Variants in DLC1 observed in about 807,000 individuals in gnomAD.
The protein encoded by DLC1 is DLC1 Rho GTPase activating protein.
In DLC1, 54 loss-of-function variants were observed where a neutral mutation model predicts 140.3. The observed-to-expected ratio is 0.38, with a 90% confidence interval of 0.31 to 0.48. The LOEUF is 0.48. Ranked by LOEUF, DLC1 falls within the 20% of genes least tolerant of loss-of-function variation. The pLI is 0.96. For synonymous variants in DLC1, 986 were observed against 728.1 expected (o/e 1.35, Z -5.70); for missense variants, 2,536 against 1,907.0 (o/e 1.33, Z -6.14).
Position 13,249,512 on chromosome 8 carries a change from T to A in DLC1, c.1348+55757A>T, listed in dbSNP as rs1829912270. ...GCCACCGTGATCCCATTTCTATCAGTCTCAGGGTGGTTCCTCCTCCTAGCC... is the reference window on the plus strand; with the variant it reads ...GCCACCGTGATCCCATTTCTATCAGACTCAGGGTGGTTCCTCCTCCTAGCC... On this transcript the variant is annotated intron_variant, in intron 5 of 17. Coordinates refer to ENST00000276297, the MANE Select transcript of DLC1 (RefSeq NM_182643.3). Among the ~76,000 whole-genome samples, 2 of 152,176 alleles carry A rather than the reference T, an allele frequency of 1.3e-5. 1 individual carries two copies. The highest frequency in any genetic ancestry group is 1.3e-4 in the Admixed American group (2 of 15,262).
At chr8:13,498,653 A>C (rs1395351726) in intron 2 of DLC1, among the ~76,000 whole-genome samples, 1 of 152,196 alleles carries the variant, frequency 6.6e-6, no homozygotes, top group Non-Finnish European at 1.5e-5. Flanking sequence ...GAGAAAAAGA[A>C]ATATGCCCAA....
At chr8:13,116,636 A>G (rs1274055121) in intron 5 of DLC1, among the ~76,000 whole-genome samples, 1 of 152,194 alleles carries the variant, frequency 6.6e-6, no homozygotes, top group Non-Finnish European at 1.5e-5. Context: ...AGTGTAACAC[A>G]TCTTATTTTT....
intron 2 of DLC1, among the ~76,000 whole-genome samples, chr8:13,448,367 TTC>T (rs1447816431): frequency 1.7e-4 from 21 of 125,322 alleles, no homozygotes; most frequent in African/African-American, 8.5e-4. Flanking sequence ...CTTCTTCTTC[TTC>T]TTTTTTTTTT....
intron 1 of DLC1, among the ~76,000 whole-genome samples, chr8:13,513,183 C>A (rs1172054170): frequency 6.6e-6 from 1 of 152,020 alleles, no homozygotes; most frequent in Non-Finnish European, 1.5e-5. Flanking sequence ...ACTTTTAAAT[C>A]CCATTTCTCA....
At chr8:13,567,290 G>A in intron 1 of DLC1, 2 of 1,551,656 alleles carry the variant, frequency 1.3e-6, no homozygotes, top group East Asian at 2.4e-5. Context: ...AACTTTGAAC[G>A]GCACCAACCA....
At chr8:13,498,290 G>A (rs1206193362) in intron 2 of DLC1, among the ~76,000 whole-genome samples, 1 of 152,126 alleles carries the variant, frequency 6.6e-6, no homozygotes, top group Non-Finnish European at 1.5e-5. Context: ...ACAGGTTTTG[G>A]TCAAGGGTTC....
At chr8:13,518,948 G>T (rs1802679358), upstream of DLC1, among the ~76,000 whole-genome samples, 1 of 151,726 alleles carries the variant, frequency 6.6e-6, no homozygotes, top group Non-Finnish European at 1.5e-5. Flanking sequence ...AGCTTTACAT[G>T]TGTTTTCTTT....
intron 4 of DLC1, among the ~76,000 whole-genome samples, chr8:13,353,898 G>A (rs567726788): frequency 8.6e-5 from 13 of 151,738 alleles, no homozygotes; most frequent in East Asian, 1.9e-4. Flanking sequence ...ACTTTGTAAC[G>A]TGCCACACTA....
intron 2 of DLC1, among the ~76,000 whole-genome samples, chr8:13,461,538 A>G (rs1055693864): frequency 2.0e-5 from 3 of 152,162 alleles, no homozygotes; most frequent in African/African-American, 7.2e-5. Context: ...TGTTGAGTTT[A>G]TCTTCTGTAG....
intron 5 of DLC1, among the ~76,000 whole-genome samples, chr8:13,287,704 T>C (rs1831582790): frequency 6.6e-6 from 1 of 152,216 alleles, no homozygotes; most frequent in Non-Finnish European, 1.5e-5. Flanking sequence ...TGGAATTTTG[T>C]GCACATTGAG....
At chr8:13,187,858 C>T (rs1258084847) in intron 5 of DLC1, among the ~76,000 whole-genome samples, 1 of 152,138 alleles carries the variant, frequency 6.6e-6, no homozygotes, top group African/African-American at 2.4e-5. Context: ...GCTCCCCAAC[C>T]CTCTAGCACC....
At chr8:13,473,927 T>C (rs1037037266) in intron 2 of DLC1, among the ~76,000 whole-genome samples, 2 of 152,184 alleles carry the variant, frequency 1.3e-5, no homozygotes, top group African/African-American at 2.4e-5. Context: ...TTTGGAATAT[T>C]TGCAGCCTGA....
intron 4 of DLC1, among the ~76,000 whole-genome samples, chr8:13,360,886 T>C (rs952810117): frequency 1.3e-5 from 2 of 152,148 alleles, no homozygotes; most frequent in Admixed American, 6.5e-5. Context: ...ATTATTTTTT[T>C]TTTTTCTTTT....
intron 5 of DLC1, chr8:13,214,900 TG>T (rs1828124480): frequency 6.0e-6 from 4 of 667,398 alleles, no homozygotes; most frequent in Non-Finnish European, 1.1e-5. Flanking sequence ...GCTCCATGAC[TG>T]GGAATAAGAT....
chr8:13,330,405 A>T (rs1309951808), intron 4 of DLC1, among the ~76,000 whole-genome samples: 1 of 152,238 alleles, frequency 6.6e-6, no homozygotes. Flanking sequence ...TGGAATCCTC[A>T]TGAACTTTTG....
intron 2 of DLC1, among the ~76,000 whole-genome samples, chr8:13,425,068 G>A (rs1838496089): frequency 6.6e-6 from 1 of 151,384 alleles, no homozygotes; most frequent in South Asian, 2.1e-4. Flanking sequence ...TTGAAACCCT[G>A]CTAAGTATTT....
chr8:13,087,604 G>C (rs1483666198), intron 16 of DLC1, among the ~76,000 whole-genome samples: 1 of 152,190 alleles, frequency 6.6e-6, no homozygotes, highest in Non-Finnish European at 1.5e-5. Flanking sequence ...TTGTTACAGA[G>C]GGTTTATGTG....
chr8:13,387,191 A>G (rs1302849451), intron 4 of DLC1, among the ~76,000 whole-genome samples: 1 of 152,030 alleles, frequency 6.6e-6, no homozygotes, highest in Non-Finnish European at 1.5e-5. Flanking sequence ...ATAAAATACT[A>G]TTTAAATTCT....
At chr8:13,404,068 A>T (rs1186466810) in intron 2 of DLC1, among the ~76,000 whole-genome samples, 1 of 152,090 alleles carries the variant, frequency 6.6e-6, no homozygotes, top group African/African-American at 2.4e-5. Flanking sequence ...GTTATGCTGA[A>T]GTCTAAATTG....
Sources: allele counts gnomAD v4.1 joint callset (sites outside exome capture counted in the v4.1 genomes callset), GRCh38; gene constraint gnomAD v4.1.1; transcripts MANE v1.5; gene names NCBI Gene and HGNC (gene_info 2026-07-23, HGNC 2026-07-21).